The following PCDH19 variants were observed in gnomAD, a reference collection of about 807,000 sequenced individuals.
PCDH19 encodes the protein protocadherin-19.
PCDH19 carries 6 observed loss-of-function variants against 46.2 expected under a neutral mutation model. The ratio of observed to expected loss-of-function variants is 0.13; its 90% CI spans 0.07 to 0.26. The LOEUF (loss-of-function observed/expected upper bound fraction) is 0.26, where lower values mean the gene tolerates loss of function less well. Ranked by LOEUF, PCDH19 falls within the 10% of genes least tolerant of loss-of-function variation. PCDH19 has a pLI of 1.00. For synonymous variants in PCDH19, 481 were observed against 415.7 expected (o/e 1.16, Z -1.91); for missense variants, 740 against 972.3 (o/e 0.76, Z 3.18).
Position 100,338,237 on chromosome X carries a change from G to A in PCDH19, c.2848+3666C>T, listed in dbSNP as rs1208912118. Among the ~76,000 whole-genome samples the A allele has an allele frequency of 2.8e-5, 3 of 107,156 alleles. No individual in the cohort carries two copies. In the Admixed American group the frequency reaches 3.0e-4, roughly 11 times the overall value. 93.1% of individuals were successfully genotyped at this position (107,156 alleles called of 115,157 possible). On this transcript the variant is annotated intron_variant, in intron 5 of 5. Transcript: ENST00000373034. Reference sequence around the variant, plus strand: ...GGCGCCTGTAGTCCCAGCTACTTGGGAGGCTGAGGCAGGAGAATGGCGTGA... The same window carrying A: ...GGCGCCTGTAGTCCCAGCTACTTGGAAGGCTGAGGCAGGAGAATGGCGTGA...
chrX:100,369,187 T>C (rs1472531528), intron 3 of PCDH19, among the ~76,000 whole-genome samples: 2 of 111,247 alleles, frequency 1.8e-5, no homozygotes, highest in African/African-American at 6.5e-5. Context: ...TCAATATTCC[T>C]AAGAGGAAAT....
intron 4 of PCDH19, among the ~76,000 whole-genome samples, chrX:100,346,655 T>C (rs1030554203): frequency 2.7e-5 from 3 of 112,535 alleles, no homozygotes; most frequent in Middle Eastern, 4.6e-3. Flanking sequence ...ATTTATTATA[T>C]ACAAGGCACC....
intron 5 of PCDH19, among the ~76,000 whole-genome samples, chrX:100,331,651 G>A (rs1162560460): frequency 8.9e-6 from 1 of 111,806 alleles, no homozygotes; most frequent in Non-Finnish European, 1.9e-5. Context: ...GGAGGTGATT[G>A]GATCATGGGG....
In PCDH19 at chrX:100,408,034, G is replaced by A. The variant is rs1602637704; in HGVS notation, c.564C>T (p.Ala188=). ...CCAGGCTCTTTTCCACCACGAGTTC[G>A]GCAAAGCGGGAGCCGTCGCCGCGCG... ...IKTRGDGSRF[A]ELVVEKSLDR... The change falls in exon 1 of 6, where the codon GCC becomes GCT. Residue 188 remains alanine, a synonymous_variant. Transcript: ENST00000373034. 5.0e-6 allele frequency: 6 copies of A among 1,208,427 alleles called. No individual in the cohort carries two copies. Among genetic ancestry groups the A allele is most frequent in the Non-Finnish European group, 6.7e-6 (6 of 895,622 alleles).
intron 3 of PCDH19, among the ~76,000 whole-genome samples, chrX:100,396,131 T>C (rs1301674683): frequency 1.8e-5 from 2 of 111,753 alleles, no homozygotes; most frequent in African/African-American, 6.5e-5. Context: ...CCCTAAATCC[T>C]GGAAGCTGAG....
At chrX:100,405,565 C>CCG (rs1250704241) in intron 1 of PCDH19, among the ~76,000 whole-genome samples, 3 of 96,234 alleles carry the variant, frequency 3.1e-5, no homozygotes, top group Non-Finnish European at 6.2e-5. Flanking sequence ...CTCTCCCTCC[C>CCG]CCCCCCATAC....
intron 3 of PCDH19, among the ~76,000 whole-genome samples, chrX:100,400,444 T>C (rs932186649): frequency 3.6e-5 from 4 of 112,346 alleles, no homozygotes; most frequent in Middle Eastern, 4.6e-3. Flanking sequence ...CAGAGTCTTA[T>C]GTTCCACAGC....
rs751708323 is a variant in PCDH19 at position 100,408,258 on chromosome X, C to G, written c.340G>C (p.Val114Leu). 1 of 1,211,720 alleles carries G rather than the reference C, an allele frequency of 8.3e-7. No individual in the cohort carries two copies. Among genetic ancestry groups the G allele is most frequent in the East Asian group, 3.0e-5 (1 of 33,813 alleles). The change falls in exon 1 of 6, where the codon GTG (valine) becomes CTG (leucine). Residue 114 changes from valine (V) to leucine (L), a missense_variant. Coordinates refer to ENST00000373034, the MANE Select transcript of PCDH19 (RefSeq NM_001184880.2). ...AGGTCCTTGATCTCCACCTTTATCACGCAGATTTCCATTGAGCTGGACATG... is the reference window on the plus strand; with the variant it reads ...AGGTCCTTGATCTCCACCTTTATCAGGCAGATTTCCATTGAGCTGGACATG... ...EVMSSSMEIC[V>L]IKVEIKDLND...
intron 5 of PCDH19, among the ~76,000 whole-genome samples, chrX:100,312,113 G>GAGAC (rs1373199899): frequency 1.0e-4 from 11 of 110,421 alleles, no homozygotes; most frequent in Non-Finnish European, 2.1e-4. Context: ...TTGAGAGAGA[G>GAGAC]AGAGAGAGAA....
chrX:100,407,237 G>T lies in PCDH19; in HGVS notation c.1361C>A (p.Ser454Tyr), dbSNP rs748135014. The T allele has an allele frequency of 1.9e-5, 23 of 1,210,110 alleles. 1 individual carries two copies. Among genetic ancestry groups the T allele is most frequent in the Non-Finnish European group, 2.6e-5 (23 of 895,244 alleles). ...CACAATGACCTGGTAGTAGGGCTTG[G>T]AAAAGTGCGGGTGGTTGTCATTTTC... ...TDENDNHPHFSKPYYQVIVQE... is the reference protein window; with the variant it reads ...TDENDNHPHFYKPYYQVIVQE... Residue 454 changes from serine to tyrosine, a missense_variant, in exon 1 of 6, where the codon TCC becomes TAC. This residue lies in a region of PCDH19 where 186 missense variants were observed against 319.9 expected (regional missense o/e 0.58). Coordinates refer to ENST00000373034, the MANE Select transcript of PCDH19 (RefSeq NM_001184880.2).
At chrX:100,364,157 T>G (rs987048483) in intron 3 of PCDH19, among the ~76,000 whole-genome samples, 1 of 109,772 alleles carries the variant, frequency 9.1e-6, no homozygotes. Flanking sequence ...TTCAGAGTTG[T>G]CGGCTGGAAA....
intron 5 of PCDH19, among the ~76,000 whole-genome samples, chrX:100,333,183 G>GAGAGAGAAAGAAAGAA (rs1489789460): frequency 9.2e-5 from 4 of 43,469 alleles, no homozygotes; most frequent in African/African-American, 1.6e-4. Flanking sequence ...GGGAGAGAGA[G>GAGAGAGAAAGAAAGAA]AGAAAGAAAG....
intron 3 of PCDH19, among the ~76,000 whole-genome samples, chrX:100,390,369 G>C (rs1296102854): frequency 5.4e-5 from 6 of 111,993 alleles, no homozygotes; most frequent in African/African-American, 1.9e-4. Flanking sequence ...CTCTCTAACA[G>C]CAGGGCACTA....
At chrX:100,368,523 T>C (rs183893208) in intron 3 of PCDH19, among the ~76,000 whole-genome samples, 2 of 111,803 alleles carry the variant, frequency 1.8e-5, no homozygotes, top group Admixed American at 1.9e-4. Flanking sequence ...CCTCTCCTGA[T>C]TGCTTGACAC....
intron 5 of PCDH19, among the ~76,000 whole-genome samples, chrX:100,322,833 GTATATATATATATA>G (rs60720039): frequency 4.1e-5 from 2 of 48,815 alleles, no homozygotes; most frequent in African/African-American, 1.3e-4. Context: ...ATATTCCTAA[GTATATATATATATA>G]TATATATATA....
At chrX:100,363,617 A>T (rs1458576310) in intron 3 of PCDH19, among the ~76,000 whole-genome samples, 1 of 30,143 alleles carries the variant, frequency 3.3e-5, no homozygotes, top group Non-Finnish European at 7.4e-5. Context: ...GGGAAGTTTT[A>T]TATATATATA....
rs1162828296 is a variant in PCDH19, at chrX:100,353,905, T to C, written c.2617-3201A>G. Among the ~76,000 whole-genome samples the C allele has an allele frequency of 2.7e-5, 3 of 111,912 alleles. No individual in the cohort carries two copies. The East Asian group carries it at 8.4e-4, about 31-fold the overall frequency. On this transcript the variant is annotated intron_variant, in intron 3 of 5. Transcript: ENST00000373034. ...AGCGCTAGTCAATGTGGCAGGTTCC[T>C]AGAACCGATTTTCCCAGAATGGATG... is the stretch of plus-strand genomic sequence containing the variant.
At chrX:100,322,865 A>ATATATATATATATATATATATATTTT in intron 5 of PCDH19, among the ~76,000 whole-genome samples, 1 of 54,416 alleles carries the variant, frequency 1.8e-5, no homozygotes, top group African/African-American at 8.4e-5. Flanking sequence ...ATATATATAT[A>ATATATATATATATATATATATATTTT]TTTTTGCAGC....
intron 3 of PCDH19, among the ~76,000 whole-genome samples, chrX:100,393,493 T>TACACACAC (rs1191391184): frequency 1.2e-4 from 3 of 25,341 alleles, no homozygotes; most frequent in South Asian, 4.1e-3. Flanking sequence ...TACACATACA[T>TACACACAC]ACATACACAC....
Sources: gnomAD v4.1 joint callset for allele counts (sites outside exome capture counted in the v4.1 genomes callset) on GRCh38, gnomAD v4.1.1 for gene constraint, gnomAD v4.1.1 regional missense constraint, MANE v1.5 for transcripts, NCBI Gene and HGNC (gene_info 2026-07-23, HGNC 2026-07-21) for gene names.